Variants in CHRNA4 observed in about 807,000 individuals in gnomAD.
CHRNA4 encodes neuronal acetylcholine receptor subunit alpha-4.
Under a neutral mutation model 48.9 loss-of-function variants are expected in CHRNA4, and 28 were observed. That is an observed-to-expected ratio of 0.57 (90% confidence interval 0.42 to 0.79). The LOEUF (loss-of-function observed/expected upper bound fraction) is 0.79. CHRNA4 is among the 30% of genes least tolerant of loss of function. CHRNA4 has a pLI of 0.00. For missense variants in CHRNA4, 859 were observed against 898.4 expected, an observed-to-expected ratio of 0.96 and a Z score of 0.56; for synonymous variants, 425 against 402.3, an observed-to-expected ratio of 1.06 and a Z score of -0.68.
At chr20:63,347,208 C>T (rs1003700717) in intron 5 of CHRNA4, among the ~76,000 whole-genome samples, 2 of 152,172 alleles carry the variant, frequency 1.3e-5, no homozygotes, top group South Asian at 2.1e-4. Context: ...GAAGGGGGCA[C>T]GGGGGAGGGG....
intron 4 of CHRNA4, 24 bp from the exon 5 acceptor site, chr20:63,351,051 T>A: frequency 6.2e-7 from 1 of 1,605,760 alleles, no homozygotes; most frequent in East Asian, 2.2e-5. Context: ...GAGCGAAGGG[T>A]GTGAGACCCC....
At position 63,344,664 on chromosome 20, in the gene CHRNA4, T is replaced by C. The variant is rs763512007; in HGVS notation, c.*2074A>G. 2.2e-6 allele frequency: 1 copy of C among 453,900 alleles called. No homozygotes were observed. Among genetic ancestry groups the C allele is most frequent in the South Asian group, 1.6e-5 (1 of 64,464 alleles). The allele number at this position is 453,900 out of a possible 1,614,324, so 28.1% of individuals were successfully genotyped here. ...GCCACTCCCTGCAGCTGCCCACACA[T>C]CTGGCAGCTGGGTCCACTTATGCAA... On this transcript the variant is annotated 3_prime_UTR_variant, in exon 6 of 6. Transcript: ENST00000370263. The surrounding 1 kb of genome is among the most constrained non-coding windows in gnomAD (Gnocchi z 4.5).
intron 4 of CHRNA4, among the ~76,000 whole-genome samples, chr20:63,355,059 G>A (rs911163991): frequency 6.6e-6 from 1 of 152,190 alleles, no homozygotes; most frequent in African/African-American, 2.4e-5. Flanking sequence ...AAAGGGCTGT[G>A]GGCAGATGGC....
At position 63,346,638 on chromosome 20, in the gene CHRNA4, CCA is replaced by C. The variant is rs2068499171; in HGVS notation, c.*98_*99del. 2.6e-6 allele frequency: 4 copies of C among 1,509,840 alleles called. No homozygotes were observed. The highest frequency in any genetic ancestry group is 1.4e-5 in the African/African-American group (1 of 72,462). The allele number at this position is 1,509,840 out of a possible 1,614,324, so 93.5% of individuals were successfully genotyped here. A position where few individuals can be genotyped will look rare whatever the true frequency, so the allele number is the denominator to read the frequency against. On this transcript the variant is annotated 3_prime_UTR_variant, in exon 6 of 6. Coordinates refer to ENST00000370263, the MANE Select transcript of CHRNA4 (RefSeq NM_000744.7). ...AGGAAAATTTGGCAAACGTGTGGCC[CCA>C]CAGAGTCCAGGGAGAAGCCAGCCCG... is the stretch of plus-strand genomic sequence containing the variant.
rs1012796618 is a variant in CHRNA4, at chr20:63,350,759, A to G, written c.652T>C (p.Tyr218His). Residue 218 changes from tyrosine (Y) to histidine (H), a missense_variant, in exon 5 of 6, where the codon TAC (tyrosine) becomes CAC (histidine). Tyr to His is a moderately conservative substitution (Grantham distance 83). Coordinates refer to ENST00000370263, the MANE Select transcript of CHRNA4 (RefSeq NM_000744.7). ...CAGCACTCGTACTTCCTGGTGTTGT[A>G]GGTGCCCACGGCATCCACGATGACC... ...EWVIVDAVGT[Y>H]NTRKYECCAE... is the part of the protein sequence containing the mutation. The G allele has an allele frequency of 6.2e-7, 1 of 1,613,390 alleles. No homozygotes were observed. The highest frequency in any genetic ancestry group is 1.7e-5 in the Admixed American group (1 of 59,950).
chr20:63,359,913 G>GCCGGGCGTGCGC (rs1268419860), intron 1 of CHRNA4: 29 of 519,518 alleles, frequency 5.6e-5, no homozygotes, highest in Non-Finnish European at 7.7e-5. Flanking sequence ...GTGTGTGTGT[G>GCCGGGCGTGCGC]TGTGTGTGTG....
Position 63,350,792 on chromosome 20 carries a change from C to T in CHRNA4, c.619G>A (p.Gly207Ser). 1 of 1,613,812 alleles carries T rather than the reference C, an allele frequency of 6.2e-7. No homozygotes were observed. The highest frequency in any genetic ancestry group is 8.5e-7 in the Non-Finnish European group (1 of 1,179,940). ...ACGGCATCCACGATGACCCACTCGCCACTCTCCCAGAAGTCCAGCTGGTCC... is the reference window on the plus strand; with the variant it reads ...ACGGCATCCACGATGACCCACTCGCTACTCTCCCAGAAGTCCAGCTGGTCC... ...RVDQLDFWES[G>S]EWVIVDAVGT... The change falls in exon 5 of 6, where the codon GGC becomes AGC. Residue 207 changes from glycine (G) to serine (S), a missense_variant. Around this residue, in one of 3 missense-constraint regions of CHRNA4, gnomAD observed 342 missense variants for 365.3 expected, o/e 0.94. Transcript: ENST00000370263.
intron 1 of CHRNA4, chr20:63,359,905 G>GTGTGTGTGTGTGGGCCGGGCGTGCGC (rs1555840815): frequency 3.4e-6 from 1 of 292,442 alleles, no homozygotes; most frequent in African/African-American, 3.3e-5. Context: ...TGCTGTGTGT[G>GTGTGTGTGTGTGGGCCGGGCGTGCGC]TGTGTGTGTG....
chr20:63,361,204 C>T lies in CHRNA4; in HGVS notation c.-39G>A, dbSNP rs1057522008. 1.4e-6 allele frequency: 2 copies of T among 1,450,894 alleles called. No homozygotes were observed. Among genetic ancestry groups the T allele is most frequent in the Admixed American group, 5.0e-5 (2 of 40,042 alleles). 89.9% of individuals were successfully genotyped at this position (1,450,894 alleles called of 1,614,324 possible). Reference sequence around the variant, plus strand: ...CGCGGGCTCTAGATGCGGGCGGCTCCCGGCTCCCCGCCGCTTCGAGGCCCG... The same window carrying T: ...CGCGGGCTCTAGATGCGGGCGGCTCTCGGCTCCCCGCCGCTTCGAGGCCCG... On this transcript the variant is annotated 5_prime_UTR_variant, in exon 1 of 6. Transcript: ENST00000370263.
intron 4 of CHRNA4, chr20:63,355,417 G>T: frequency 2.2e-6 from 2 of 926,852 alleles, no homozygotes; most frequent in Non-Finnish European, 3.0e-6. Flanking sequence ...GACCTGGCGT[G>T]ACATGTCCTG....
At chr20:63,357,087 A>G (rs2068731344) in intron 2 of CHRNA4, among the ~76,000 whole-genome samples, 2 of 146,610 alleles carry the variant, frequency 1.4e-5, no homozygotes, top group Admixed American at 1.3e-4. Flanking sequence ...TCCCCACAGA[A>G]CCACATCCCC....
At chr20:63,355,622 G>T (rs1255883471) in intron 4 of CHRNA4, 1 of 1,307,728 alleles carries the variant, frequency 7.6e-7, no homozygotes, top group Non-Finnish European at 1.0e-6. Flanking sequence ...CAAAGACGTC[G>T]CGGGTCAGGA....
chr20:63,350,007 G>A lies in CHRNA4; in HGVS notation c.1404C>T (p.Val468=), dbSNP rs1245158731. Residue 468 remains valine (V), a synonymous_variant, in exon 5 of 6, where the codon GTC becomes GTT. Coordinates refer to ENST00000370263, the MANE Select transcript of CHRNA4 (RefSeq NM_000744.7). ...PGLAKARSLS[V]QHMSSPGEAV... is the part of the protein sequence containing the mutation. ...CTTCGCCAGGGCTGGACATGTGCTG[G>A]ACGCTGAGGGACCTGGCTTTGGCCA... The A allele has an allele frequency of 1.4e-5, 22 of 1,532,186 alleles. No homozygotes were observed. The highest frequency in any genetic ancestry group is 2.0e-5 in the Admixed American group (1 of 48,884). The allele number at this position is 1,532,186 out of a possible 1,614,324, so 94.9% of individuals were successfully genotyped here. A position where few individuals can be genotyped will look rare whatever the true frequency, so the allele number is the denominator to read the frequency against.
rs946731542 is a variant in CHRNA4, at chr20:63,343,760, C to T, written c.*2978G>A. 3 of 452,846 alleles carry T rather than the reference C, an allele frequency of 6.6e-6. No homozygotes were observed. The highest frequency in any genetic ancestry group is 6.0e-5 in the African/African-American group (3 of 50,010). 28.1% of individuals were successfully genotyped at this position (452,846 alleles called of 1,614,324 possible). The stretch of plus-strand genomic sequence containing the variant: ...GCGCAAGCAGCCGCAGAGGGGCCGG[C>T]GCCCCGGCAGGCTTCGAGCTGCAGC... On this transcript the variant is annotated 3_prime_UTR_variant, in exon 6 of 6. Coordinates refer to ENST00000370263, the MANE Select transcript of CHRNA4 (RefSeq NM_000744.7).
At position 63,351,020 on chromosome 20, in the gene CHRNA4, C is replaced by T. The variant is rs759269817; in HGVS notation, c.391G>A (p.Gly131Arg). ...PDIVLYNNAD[G>R]DFAVTHLTKA... is the part of the protein sequence containing the mutation. Reference sequence around the variant, plus strand: ...GTCAGGTGGGTGACCGCGAAGTCCCCGTCAGCACTGGGCAGGAAGAGAGCG... The same window carrying T: ...GTCAGGTGGGTGACCGCGAAGTCCCTGTCAGCACTGGGCAGGAAGAGAGCG... The change falls in exon 5 of 6, where the codon GGG (glycine) becomes AGG (arginine). Residue 131 changes from glycine (G) to arginine (R), a missense_variant. Around this residue, in one of 3 missense-constraint regions of CHRNA4, gnomAD observed 342 missense variants for 365.3 expected, o/e 0.94. Coordinates refer to ENST00000370263, the MANE Select transcript of CHRNA4 (RefSeq NM_000744.7). 9.9e-6 allele frequency: 16 copies of T among 1,612,562 alleles called. No individual in the cohort carries two copies. In the East Asian group the frequency reaches 1.1e-4, roughly 11 times the overall value.
rs200263644 is a variant in CHRNA4 at position 63,344,658 on chromosome 20, C to T, written c.*2080G>A. On this transcript the variant is annotated 3_prime_UTR_variant, in exon 6 of 6. Coordinates refer to ENST00000370263, the MANE Select transcript of CHRNA4 (RefSeq NM_000744.7). The surrounding 1 kb of genome is among the most constrained non-coding windows in gnomAD (Gnocchi z 4.5). ...CCCCGGGCCACTCCCTGCAGCTGCC[C>T]ACACATCTGGCAGCTGGGTCCACTT... is the stretch of plus-strand genomic sequence containing the variant. 24 of 453,936 alleles carry T rather than the reference C, an allele frequency of 5.3e-5. No individual in the cohort carries two copies. Among genetic ancestry groups the T allele is most frequent in the South Asian group, 3.7e-4 (24 of 64,470 alleles). The allele number at this position is 453,936 out of a possible 1,614,324, so 28.1% of individuals were successfully genotyped here.
chr20:63,348,692 G>C (rs1016854944), intron 5 of CHRNA4, among the ~76,000 whole-genome samples: 3 of 152,214 alleles, frequency 2.0e-5, no homozygotes, highest in Non-Finnish European at 4.4e-5. Context: ...AATTGCCGCT[G>C]TGGACGTCAT....
chr20:63,355,202 C>T (rs1234218452), intron 4 of CHRNA4, among the ~76,000 whole-genome samples: 1 of 152,312 alleles, frequency 6.6e-6, no homozygotes, highest in African/African-American at 2.4e-5. Context: ...GGCTGCCGGG[C>T]GCAGGGCCCT....
Position 63,359,645 on chromosome 20 carries a change from A to C in CHRNA4, c.131T>G (p.Leu44Arg). ...GGACCACTTGTTGTAACCGGAGAAG[A>C]GTTTCTTCAGGAGCCGCTCCTCGGC... is the stretch of plus-strand genomic sequence containing the variant. ...AHAEERLLKKLFSGYNKWSRP... is the reference protein window; with the variant it reads ...AHAEERLLKKRFSGYNKWSRP... Residue 44 changes from leucine to arginine, a missense_variant, in exon 2 of 6, where the codon CTC (leucine) becomes CGC (arginine). Coordinates refer to ENST00000370263, the MANE Select transcript of CHRNA4 (RefSeq NM_000744.7). 1 of 1,612,396 alleles carries C rather than the reference A, an allele frequency of 6.2e-7. No individual in the cohort carries two copies. The highest frequency in any genetic ancestry group is 8.5e-7 in the Non-Finnish European group (1 of 1,179,906).
Sources: allele counts gnomAD v4.1 joint callset (sites outside exome capture counted in the v4.1 genomes callset), GRCh38; gene constraint gnomAD v4.1.1; regional missense constraint gnomAD v4.1.1; non-coding constraint Gnocchi (gnomAD v3.1); transcripts MANE v1.5; gene names NCBI Gene and HGNC (gene_info 2026-07-23, HGNC 2026-07-21).